GRM7: variants seen among roughly 807,000 people sequenced by gnomAD.
The protein encoded by GRM7 is metabotropic glutamate receptor 7.
Under a neutral mutation model 84.5 loss-of-function variants are expected in GRM7, and 35 were observed. The observed-to-expected ratio is 0.41, with a 90% confidence interval of 0.32 to 0.55. GRM7 has a LOEUF of 0.55. Ranked by LOEUF, GRM7 falls within the 20% of genes least tolerant of loss-of-function variation. The pLI, the probability that GRM7 is intolerant of heterozygous loss-of-function variation, is 0.19. For missense variants in GRM7, 1,003 were observed against 1,194.6 expected, an observed-to-expected ratio of 0.84 and a Z score of 2.36; for synonymous variants, 487 against 455.1, an observed-to-expected ratio of 1.07 and a Z score of -0.89.
intron 1 of GRM7, among the ~76,000 whole-genome samples, chr3:7,000,407 G>T (rs62236574): frequency 0.14 from 21,975 of 151,856 alleles, 1,926 homozygotes; most frequent in East Asian, 0.26. Flanking sequence ...GGATGGTCTC[G>T]AACTCCTGAC....
chr3:6,971,576 T>G (rs966384418), intron 1 of GRM7, among the ~76,000 whole-genome samples: 1 of 152,242 alleles, frequency 6.6e-6, no homozygotes, highest in African/African-American at 2.4e-5. Flanking sequence ...AAGGTGTTCT[T>G]TATAGTAAAA....
At chr3:7,545,884 A>G (rs1408432719) in intron 7 of GRM7, among the ~76,000 whole-genome samples, 1 of 152,050 alleles carries the variant, frequency 6.6e-6, no homozygotes, top group African/African-American at 2.4e-5. Flanking sequence ...AACAAACTTA[A>G]CCTTTTGAAA....
chr3:7,470,203 A>G (rs926544481), intron 7 of GRM7, among the ~76,000 whole-genome samples: 20 of 152,196 alleles, frequency 1.3e-4, no homozygotes, highest in African/African-American at 4.8e-4. Context: ...TATTTCCACT[A>G]ATTCAGAAAT....
At chr3:7,474,236 CAT>C (rs1344715707) in intron 7 of GRM7, among the ~76,000 whole-genome samples, 1 of 152,148 alleles carries the variant, frequency 6.6e-6, no homozygotes, top group Non-Finnish European at 1.5e-5. Flanking sequence ...GTGCTATCAA[CAT>C]TCTTCTGTTG....
intron 5 of GRM7, among the ~76,000 whole-genome samples, chr3:7,423,505 T>C (rs1421826199): frequency 6.6e-6 from 1 of 152,156 alleles, no homozygotes; most frequent in Non-Finnish European, 1.5e-5. Flanking sequence ...AATAGAAGTA[T>C]TATAAATCGG....
chr3:7,183,485 G>T (rs553935983), intron 2 of GRM7, among the ~76,000 whole-genome samples: 3 of 152,216 alleles, frequency 2.0e-5, no homozygotes, highest in African/African-American at 7.2e-5. Context: ...AAACTAGCAG[G>T]GCGTGGTGGT....
At chr3:7,074,897 C>A (rs1665558207) in intron 1 of GRM7, among the ~76,000 whole-genome samples, 1 of 152,144 alleles carries the variant, frequency 6.6e-6, no homozygotes, top group African/African-American at 2.4e-5. Flanking sequence ...ATTTTTCAAT[C>A]AAAGCCAGCT....
At chr3:7,068,105 C>A (rs1499158) in intron 1 of GRM7, among the ~76,000 whole-genome samples, 17,818 of 151,810 alleles carry the variant, frequency 0.12, 1,616 homozygotes, top group African/African-American at 0.25. Flanking sequence ...TAGGTCAAAC[C>A]ATCTGAGACT....
At chr3:7,408,574 A>T (rs1236688104) in intron 4 of GRM7, among the ~76,000 whole-genome samples, 1 of 152,136 alleles carries the variant, frequency 6.6e-6, no homozygotes, top group Non-Finnish European at 1.5e-5. Context: ...TTTAACTTCA[A>T]TTTACATCAG....
At chr3:6,893,224 A>G (rs1696039195) in intron 1 of GRM7, among the ~76,000 whole-genome samples, 1 of 152,170 alleles carries the variant, frequency 6.6e-6, no homozygotes, top group Non-Finnish European at 1.5e-5. Flanking sequence ...CCTGAATTAT[A>G]TTGTGTGAGC....
intron 7 of GRM7, among the ~76,000 whole-genome samples, chr3:7,476,669 A>T (rs1423030701): frequency 6.6e-6 from 1 of 152,132 alleles, no homozygotes; most frequent in Non-Finnish European, 1.5e-5. Flanking sequence ...AGACCATGTC[A>T]CTCTTCTATG....
intron 1 of GRM7, among the ~76,000 whole-genome samples, chr3:7,042,423 C>T (rs773165116): frequency 6.6e-5 from 10 of 152,148 alleles, no homozygotes; most frequent in Non-Finnish European, 1.3e-4. Context: ...TTTATTCCTA[C>T]GTCATCAGAC....
chr3:7,425,563 A>C (rs1012405003), intron 5 of GRM7, among the ~76,000 whole-genome samples: 3 of 152,186 alleles, frequency 2.0e-5, no homozygotes, highest in African/African-American at 7.2e-5. Context: ...AATACCTTTA[A>C]GAAACTCAAA....
rs1192935902 is a variant in GRM7 at position 7,151,027 on chromosome 3, C to G, written c.736+4359C>G. ...GTCGACTTCTCAAAACCTAAAAGAT[C>G]TATCCATTTGATATTTTACAGTGAT... On this transcript the variant is annotated intron_variant, in intron 2 of 9. Transcript: ENST00000357716. This position sits in a 1 kb window ranked among gnomAD's most constrained non-coding sequence, Gnocchi z 4.5. 6.6e-6 allele frequency among the ~76,000 whole-genome samples: 1 copy of G among 152,092 alleles called. No individual in the cohort carries two copies. Among genetic ancestry groups the G allele is most frequent in the African/African-American group, 2.4e-5 (1 of 41,402 alleles).
chr3:7,000,943 A>T (rs1694992110), intron 1 of GRM7, among the ~76,000 whole-genome samples: 1 of 151,996 alleles, frequency 6.6e-6, no homozygotes. Context: ...CAATGAACAG[A>T]AAAAACAGGA....
At chr3:6,870,997 T>C (rs1193513046) in intron 1 of GRM7, among the ~76,000 whole-genome samples, 1 of 152,178 alleles carries the variant, frequency 6.6e-6, no homozygotes, top group African/African-American at 2.4e-5. Flanking sequence ...GAAAGCGTTA[T>C]TTTAAAGATT....
At chr3:7,354,962 A>T (rs1693327211) in intron 4 of GRM7, among the ~76,000 whole-genome samples, 1 of 152,138 alleles carries the variant, frequency 6.6e-6, no homozygotes, top group Non-Finnish European at 1.5e-5. Flanking sequence ...GGGGATCTTG[A>T]TTGCTTTTCC....
chr3:6,892,255 G>A (rs1245812513), intron 1 of GRM7, among the ~76,000 whole-genome samples: 3 of 152,126 alleles, frequency 2.0e-5, no homozygotes, highest in Non-Finnish European at 4.4e-5. Context: ...GAGGAAGCAA[G>A]GACCTCAGAG....
At chr3:7,181,763 C>T (rs1007060241) in intron 2 of GRM7, among the ~76,000 whole-genome samples, 19 of 152,044 alleles carry the variant, frequency 1.2e-4, no homozygotes, top group Non-Finnish European at 2.5e-4. Context: ...CATGCACCAG[C>T]ACACCCAGTT....
Sources: gnomAD v4.1 joint callset for allele counts (sites outside exome capture counted in the v4.1 genomes callset) on GRCh38, gnomAD v4.1.1 for gene constraint, Gnocchi (gnomAD v3.1) non-coding constraint, MANE v1.5 for transcripts, NCBI Gene and HGNC (gene_info 2026-07-23, HGNC 2026-07-21) for gene names.